HMCN1: variants seen among roughly 807,000 people sequenced by gnomAD.
HMCN1 encodes the protein hemicentin 1, also known as hemicentin-1.
In HMCN1, 321 loss-of-function variants were observed where a neutral mutation model predicts 625.9. That is an observed-to-expected ratio of 0.51 (90% CI 0.47 to 0.56). The LOEUF (loss-of-function observed/expected upper bound fraction) is 0.56, where lower values mean the gene tolerates loss of function less well. Among genes scored for constraint, HMCN1 ranks in the 20% least tolerant of loss-of-function variants. The probability of loss-of-function intolerance (pLI) is 0.00; values close to 1 mark genes in which losing one functional copy is unlikely to be tolerated. For synonymous variants in HMCN1, 2,425 were observed against 2,417.6 expected, an observed-to-expected ratio of 1.00 and a Z score of -0.09; for missense variants, 6,588 against 6,887.3, an observed-to-expected ratio of 0.96 and a Z score of 1.54.
intron 4 of HMCN1, among the ~76,000 whole-genome samples, chr1:185,883,443 C>T (rs1054404945): frequency 1.3e-5 from 2 of 151,974 alleles, no homozygotes; most frequent in Admixed American, 1.3e-4. Context: ...CTGTTGACAA[C>T]TGATTTGTTT....
chr1:186,005,641 A>G (rs1353887351), intron 29 of HMCN1, among the ~76,000 whole-genome samples: 1 of 152,120 alleles, frequency 6.6e-6, no homozygotes, highest in Non-Finnish European at 1.5e-5. Context: ...AATGTAAAAA[A>G]CATGGAAGAA....
intron 82 of HMCN1, 70 bp from the exon 83 acceptor site, chr1:186,128,008 C>T (rs1661732245): frequency 7.7e-7 from 1 of 1,295,020 alleles, no homozygotes; most frequent in Admixed American, 1.8e-5. Context: ...CCTAGCTATG[C>T]AATTTGATGT....
In HMCN1 at chr1:186,152,626, C is replaced by G. The variant is rs572071666; in HGVS notation, c.14897-124C>G. 3.5e-4 allele frequency: 400 copies of G among 1,129,020 alleles called. 4 individuals are homozygous for G. In the South Asian group the frequency reaches 4.7e-3, roughly 13 times the overall value. The allele number at this position is 1,129,020 out of a possible 1,614,324, so 69.9% of individuals were successfully genotyped here. On this transcript the variant is annotated intron_variant, in intron 95 of 106. Coordinates refer to ENST00000271588, the MANE Select transcript of HMCN1 (RefSeq NM_031935.3). Reference sequence around the variant, plus strand: ...GGTTAAGTGCTATTTCAGTTCTCATCATCTATACTTATTCAAGTTTGAACT... The same window carrying G: ...GGTTAAGTGCTATTTCAGTTCTCATGATCTATACTTATTCAAGTTTGAACT...
At chr1:186,014,462 T>A (rs964013313) in intron 30 of HMCN1, among the ~76,000 whole-genome samples, 2 of 152,048 alleles carry the variant, frequency 1.3e-5, no homozygotes, top group Admixed American at 6.6e-5. Flanking sequence ...TTGATTTTTT[T>A]AAAATTGTTG....
At chr1:186,117,923 C>T (rs1309209988) in intron 77 of HMCN1, among the ~76,000 whole-genome samples, 1 of 152,018 alleles carries the variant, frequency 6.6e-6, no homozygotes, top group Non-Finnish European at 1.5e-5. Context: ...AACAAATTCC[C>T]GAGTTACCTG....
intron 2 of HMCN1, among the ~76,000 whole-genome samples, chr1:185,850,352 A>G (rs1376797625): frequency 6.6e-6 from 1 of 152,190 alleles, no homozygotes; most frequent in Non-Finnish European, 1.5e-5. Context: ...TAGCAGATAG[A>G]ATGTTAGGAA....
At chr1:185,844,551 G>GTCT (rs1327584570) in intron 1 of HMCN1, among the ~76,000 whole-genome samples, 25 of 152,320 alleles carry the variant, frequency 1.6e-4, no homozygotes, top group African/African-American at 5.5e-4. Flanking sequence ...TTTTTGAGCA[G>GTCT]TATGTCTTTA....
chr1:185,773,765 A>G (rs1259784494), intron 1 of HMCN1, among the ~76,000 whole-genome samples: 8 of 152,184 alleles, frequency 5.3e-5, no homozygotes. Flanking sequence ...GGTGTTAAGT[A>G]AAGTATTGAA....
chr1:185,786,151 A>G (rs1259463766), intron 1 of HMCN1, among the ~76,000 whole-genome samples: 1 of 152,228 alleles, frequency 6.6e-6, no homozygotes, highest in Non-Finnish European at 1.5e-5. Context: ...TGATTTTATA[A>G]CATCATGATG....
rs1558148041 is a variant in HMCN1, at chr1:186,018,218, A to G, written c.5336A>G (p.Asp1779Gly). The G allele has an allele frequency of 1.2e-6, 2 of 1,612,784 alleles. No homozygotes were observed. Among genetic ancestry groups the G allele is most frequent in the Admixed American group, 1.7e-5 (1 of 59,906 alleles). Residue 1779 changes from aspartate to glycine, a missense_variant, in exon 34 of 107, where the codon GAT becomes GGT. Physicochemically the swap from Asp to Gly is moderately conservative, Grantham distance 94. Around this residue, in one of 3 missense-constraint regions of HMCN1, gnomAD observed 4,628 missense variants for 4,853.1 expected, o/e 0.95. Coordinates refer to ENST00000271588, the MANE Select transcript of HMCN1 (RefSeq NM_031935.3). ...LKDGQLIDER[D>G]GFKILLNGRK... is the part of the protein sequence containing the mutation. ...GATGGCCAGTTAATTGATGAAAGGG[A>G]TGGATTCAAGATTTTATTAAATGGA...
intron 1 of HMCN1, among the ~76,000 whole-genome samples, chr1:185,788,882 CATT>C (rs1657803405): frequency 6.6e-6 from 1 of 152,012 alleles, no homozygotes; most frequent in Non-Finnish European, 1.5e-5. Context: ...GGAATTTGAT[CATT>C]ATTTGCCTTC....
chr1:186,154,285 T>C (rs1173844391), intron 97 of HMCN1, among the ~76,000 whole-genome samples: 1 of 152,214 alleles, frequency 6.6e-6, no homozygotes, highest in Non-Finnish European at 1.5e-5. Flanking sequence ...CTCATGCCTG[T>C]AATCCCAGCA....
At chr1:185,801,686 A>G (rs1571372602) in intron 1 of HMCN1, among the ~76,000 whole-genome samples, 2 of 152,234 alleles carry the variant, frequency 1.3e-5, no homozygotes, top group East Asian at 1.9e-4. Flanking sequence ...ATAACAGTTC[A>G]TAAGAGGAAA....
intron 18 of HMCN1, 113 bp downstream of exon 18, chr1:185,982,502 G>A: frequency 6.3e-5 from 63 of 1,005,418 alleles, no homozygotes; most frequent in South Asian, 1.1e-4. Context: ...GTGCAGTGGT[G>A]GGATCTAGGC....
Position 185,865,984 on chromosome 1 carries a change from G to C in HMCN1, c.621+121G>C, listed in dbSNP as rs953065145. On this transcript the variant is annotated intron_variant, in intron 4 of 106. Coordinates refer to ENST00000271588, the MANE Select transcript of HMCN1 (RefSeq NM_031935.3). ...TTTAACCAAAAGGTATAACTCCAAG[G>C]CCACAGTTCAATAAAGGCATTGAAT... The C allele has an allele frequency of 5.6e-6, 5 of 897,222 alleles. No homozygotes were observed. The African/African-American group carries it at 8.3e-5, about 15-fold the overall frequency. 55.6% of individuals were successfully genotyped at this position (897,222 alleles called of 1,614,324 possible).
intron 104 of HMCN1, among the ~76,000 whole-genome samples, chr1:186,180,448 AT>A (rs1269432756): frequency 1.3e-5 from 2 of 152,128 alleles, no homozygotes; most frequent in East Asian, 3.8e-4. Context: ...TGAAAAATAA[AT>A]TTAGCCACAC....
rs776609897 is a variant in HMCN1 at position 186,137,546 on chromosome 1, C to A, written c.13631C>A (p.Thr4544Asn). The change falls in exon 88 of 107, where the codon ACC becomes AAC. Residue 4544 changes from threonine (T) to asparagine (N), a missense_variant. Physicochemically the swap from Thr to Asn is moderately conservative, Grantham distance 65. Transcript: ENST00000271588. ...TCTGCATGGAGAGCCTGCAGTGTCA[C>A]CTGTGGAAAAGGCATCCAAAAGAGG... ...QWSAWRACSVTCGKGIQKRSR... is the reference protein window; with the variant it reads ...QWSAWRACSVNCGKGIQKRSR... The A allele has an allele frequency of 3.3e-5, 53 of 1,613,798 alleles. No homozygotes were observed. The highest frequency in any genetic ancestry group is 4.4e-5 in the Non-Finnish European group (52 of 1,179,912).
intron 4 of HMCN1, among the ~76,000 whole-genome samples, chr1:185,898,087 A>G (rs1027163135): frequency 1.3e-5 from 2 of 152,114 alleles, no homozygotes; most frequent in Non-Finnish European, 2.9e-5. Context: ...ACCCAACAAC[A>G]CTCAGACATA....
Position 186,178,606 on chromosome 1 carries a change from G to A in HMCN1, c.16134G>A (p.Val5378=), listed in dbSNP as rs1558285174. The A allele has an allele frequency of 6.2e-7, 1 of 1,614,124 alleles. No homozygotes were observed. The highest frequency in any genetic ancestry group is 1.7e-5 in the Admixed American group (1 of 60,026). The change falls in exon 104 of 107, where the codon GTG becomes GTA. Residue 5378 remains valine (V), a synonymous_variant. Coordinates refer to ENST00000271588, the MANE Select transcript of HMCN1 (RefSeq NM_031935.3). ...ATAACCTTGCACGGTTCTCCCCTGTGAGAAACAACTATCAACCTCAACAGC... is the reference window on the plus strand; with the variant it reads ...ATAACCTTGCACGGTTCTCCCCTGTAAGAAACAACTATCAACCTCAACAGC... The part of the protein sequence containing the change: ...SSYNLARFSP[V]RNNYQPQQHY...
Sources: allele counts gnomAD v4.1 joint callset (sites outside exome capture counted in the v4.1 genomes callset), GRCh38; gene constraint gnomAD v4.1.1; regional missense constraint gnomAD v4.1.1; transcripts MANE v1.5; gene names NCBI Gene and HGNC (gene_info 2026-07-23, HGNC 2026-07-21).